PDZD8: variants seen among roughly 807,000 people sequenced by gnomAD.
The protein encoded by PDZD8 is PDZ domain containing 8.
In PDZD8, 14 loss-of-function variants were observed where a neutral mutation model predicts 85.8. The ratio of observed to expected loss-of-function variants is 0.16; its 90% CI spans 0.11 to 0.26. The LOEUF is 0.26. Ranked by LOEUF, PDZD8 falls within the 10% of genes least tolerant of loss-of-function variation. The probability of loss-of-function intolerance (pLI) is 1.00; values close to 1 mark genes in which losing one functional copy is unlikely to be tolerated. For missense variants in PDZD8, 1,197 were observed against 1,424.3 expected (o/e 0.84, Z 2.57); for synonymous variants, 592 against 568.6 (o/e 1.04, Z -0.59).
In PDZD8 at chr10:117,283,952, T is replaced by C. The variant is rs1227251017; in HGVS notation, c.2781A>G (p.Ser927=). 6.2e-7 allele frequency: 1 copy of C among 1,614,108 alleles called. No homozygotes were observed. The highest frequency in any genetic ancestry group is 1.3e-5 in the African/African-American group (1 of 74,934). The change falls in exon 5 of 5, where the codon TCA becomes TCG. Residue 927 remains serine (S), a synonymous_variant. Coordinates refer to ENST00000334464, the MANE Select transcript of PDZD8 (RefSeq NM_173791.5). ...PPRVDAEASK[S]VNKTTGLTRH... Reference sequence around the variant, plus strand: ...TTGTCAAACCTGTTGTTTTATTGACTGACTTGCTAGCTTCAGCATCAACAC... The same window carrying C: ...TTGTCAAACCTGTTGTTTTATTGACCGACTTGCTAGCTTCAGCATCAACAC...
In PDZD8 at chr10:117,374,979, G is replaced by A. The variant is rs759799604; in HGVS notation, c.249C>T (p.Ala83=). ...GCGTCGGCGGGGCGGGGGTCTCGGG[G>A]GCCGCGGTGGGGGTCGCGCCGCCCT... ...APEGGATPTA[A]PETPAPPTRE... Residue 83 remains alanine, a synonymous_variant, in exon 1 of 5, where the codon GCC becomes GCT. Coordinates refer to ENST00000334464, the MANE Select transcript of PDZD8 (RefSeq NM_173791.5). The surrounding 1 kb of genome is among the most constrained non-coding windows in gnomAD (Gnocchi z 7.8). 13 of 1,598,886 alleles carry A rather than the reference G, an allele frequency of 8.1e-6. No homozygotes were observed. In the Admixed American group the frequency reaches 1.9e-4, roughly 23 times the overall value.
chr10:117,330,050 G>T (rs1844394882), intron 2 of PDZD8, among the ~76,000 whole-genome samples: 1 of 109,306 alleles, frequency 9.1e-6, no homozygotes, highest in Non-Finnish European at 1.8e-5. Context: ...GGGAGGGAGG[G>T]AAAAATCTGT....
At chr10:117,341,248 C>A in intron 1 of PDZD8, 146 bp from the exon 2 acceptor site, 1 of 831,210 alleles carries the variant, frequency 1.2e-6, no homozygotes, top group South Asian at 2.0e-5. Context: ...ACCACACTCC[C>A]CCATAACTGG....
At chr10:117,310,806 C>G (rs1844024164) in intron 3 of PDZD8, among the ~76,000 whole-genome samples, 1 of 152,060 alleles carries the variant, frequency 6.6e-6, no homozygotes, top group African/African-American at 2.4e-5. Flanking sequence ...CTGTAAATGG[C>G]AAATGGTTAA....
chr10:117,364,190 GT>G (rs1845046582), intron 1 of PDZD8, among the ~76,000 whole-genome samples: 2 of 151,578 alleles, frequency 1.3e-5, no homozygotes, highest in Non-Finnish European at 2.9e-5. Flanking sequence ...GGGTGTGTGT[GT>G]GTGTGTGTGT....
intron 1 of PDZD8, among the ~76,000 whole-genome samples, chr10:117,373,274 C>G (rs898777401): frequency 2.0e-5 from 3 of 152,040 alleles, no homozygotes; most frequent in African/African-American, 7.2e-5. Context: ...CACTACCTAG[C>G]ATTAAAATAC....
intron 4 of PDZD8, among the ~76,000 whole-genome samples, chr10:117,286,320 G>A (rs1844663204): frequency 6.6e-6 from 1 of 152,180 alleles, no homozygotes; most frequent in Admixed American, 6.5e-5. Flanking sequence ...ACTTAAAGGT[G>A]CTACTTGTTT....
intron 3 of PDZD8, among the ~76,000 whole-genome samples, chr10:117,293,874 T>C (rs1220346170): frequency 2.0e-5 from 3 of 152,146 alleles, no homozygotes; most frequent in Non-Finnish European, 4.4e-5. Flanking sequence ...TTTCTGACCA[T>C]AGTGGAATTA....
chr10:117,372,408 T>TAA (rs5788228), intron 1 of PDZD8, among the ~76,000 whole-genome samples: 1 of 151,090 alleles, frequency 6.6e-6, no homozygotes, highest in African/African-American at 2.4e-5. Context: ...AAGTCTACAT[T>TAA]AAAAAAAAAA....
intron 4 of PDZD8, among the ~76,000 whole-genome samples, chr10:117,289,025 G>A (rs188995149): frequency 2.0e-5 from 3 of 152,306 alleles, no homozygotes; most frequent in Non-Finnish European, 4.4e-5. Context: ...AATGAATGAT[G>A]TCTATTTTAT....
rs1192638183 is a variant in PDZD8 at position 117,333,122 on chromosome 10, A to AAAAACAAAAC, written c.995+7857_995+7858insGTTTTGTTTT. The stretch of plus-strand genomic sequence containing the variant: ...CAGCAGAGTGGACTCTGTCTCAAAA[A>AAAAACAAAAC]AAAAAAAAAAAAAAAAAAAAAGGGG... On this transcript the variant is annotated intron_variant, in intron 2 of 4. Coordinates refer to ENST00000334464, the MANE Select transcript of PDZD8 (RefSeq NM_173791.5). Among the ~76,000 whole-genome samples the AAAAACAAAAC allele has an allele frequency of 4.4e-4, 65 of 146,574 alleles. 3 individuals carry two copies. The highest frequency in any genetic ancestry group is 8.1e-4 in the Non-Finnish European group (54 of 66,586).
chr10:117,292,609 A>C (rs1565019528), intron 3 of PDZD8, among the ~76,000 whole-genome samples: 1 of 151,680 alleles, frequency 6.6e-6, no homozygotes, highest in Non-Finnish European at 1.5e-5. Context: ...CTCTGCTTTT[A>C]AAAGTAGAAT....
At chr10:117,305,001 A>G (rs576285096) in intron 3 of PDZD8, among the ~76,000 whole-genome samples, 3 of 152,196 alleles carry the variant, frequency 2.0e-5, no homozygotes, top group Non-Finnish European at 4.4e-5. Flanking sequence ...ACTTTTAGAT[A>G]CAAAAAGTCA....
intron 3 of PDZD8, among the ~76,000 whole-genome samples, chr10:117,299,262 G>A (rs1843805825): frequency 6.6e-6 from 1 of 152,134 alleles, no homozygotes; most frequent in Non-Finnish European, 1.5e-5. Context: ...ACAGTCCACG[G>A]TTGGGTTTCA....
chr10:117,326,637 G>C (rs1481987528), intron 2 of PDZD8, among the ~76,000 whole-genome samples: 1 of 149,282 alleles, frequency 6.7e-6, no homozygotes, highest in Admixed American at 6.9e-5. Context: ...TATACCTAGT[G>C]GTTAACTTTA....
At chr10:117,297,547 G>A (rs904731545) in intron 3 of PDZD8, among the ~76,000 whole-genome samples, 1 of 152,136 alleles carries the variant, frequency 6.6e-6, no homozygotes, top group Non-Finnish European at 1.5e-5. Flanking sequence ...TGACTTATGA[G>A]GGTTAGACTT....
intron 1 of PDZD8, among the ~76,000 whole-genome samples, chr10:117,361,047 G>A (rs1408387202): frequency 6.6e-6 from 1 of 152,168 alleles, no homozygotes; most frequent in Non-Finnish European, 1.5e-5. Context: ...TGAGGGTGAT[G>A]ATGTCACCAC....
chr10:117,341,692 A>T (rs1051749058), intron 1 of PDZD8, among the ~76,000 whole-genome samples: 4 of 152,196 alleles, frequency 2.6e-5, no homozygotes, highest in Non-Finnish European at 5.9e-5. Flanking sequence ...GAATAATGAC[A>T]AGGAAAAAAG....
At chr10:117,294,600 A>G (rs778883222) in intron 3 of PDZD8, among the ~76,000 whole-genome samples, 1 of 152,194 alleles carries the variant, frequency 6.6e-6, no homozygotes, top group Non-Finnish European at 1.5e-5. Context: ...TATGGAATCA[A>G]CCTAAGAGTC....
Sources: gnomAD v4.1 joint callset for allele counts (sites outside exome capture counted in the v4.1 genomes callset) on GRCh38, gnomAD v4.1.1 for gene constraint, Gnocchi (gnomAD v3.1) non-coding constraint, MANE v1.5 for transcripts, NCBI Gene and HGNC (gene_info 2026-07-23, HGNC 2026-07-21) for gene names.